USP32: variants seen among roughly 807,000 people sequenced by gnomAD.
The protein encoded by USP32 is ubiquitin carboxyl-terminal hydrolase 32.
USP32 carries 59 observed loss-of-function variants against 204.8 expected under a neutral mutation model. The ratio of observed to expected loss-of-function variants is 0.29; its 90% CI spans 0.23 to 0.36. The LOEUF (loss-of-function observed/expected upper bound fraction) is 0.36. USP32 is among the 10% of genes least tolerant of loss of function. The probability of loss-of-function intolerance (pLI) is 1.00; values close to 1 mark genes in which losing one functional copy is unlikely to be tolerated. For missense variants in USP32, 1,160 were observed against 1,946.4 expected (o/e 0.60, Z 7.60); for synonymous variants, 517 against 678.4 (o/e 0.76, Z 3.70).
chr17:60,281,805 T>C (rs1040445994), intron 5 of USP32, among the ~76,000 whole-genome samples: 7 of 152,210 alleles, frequency 4.6e-5, no homozygotes, highest in African/African-American at 4.8e-5. Context: ...TCATGGTCCA[T>C]CTACATCAAA....
chr17:60,274,414 A>G (rs536749500), intron 5 of USP32, among the ~76,000 whole-genome samples: 1 of 152,202 alleles, frequency 6.6e-6, no homozygotes, highest in African/African-American at 2.4e-5. Flanking sequence ...ATTCATGAAA[A>G]CTATATTCCC....
intron 1 of USP32, among the ~76,000 whole-genome samples, chr17:60,369,318 T>G (rs2089391536): frequency 6.6e-6 from 1 of 150,436 alleles, no homozygotes; most frequent in Non-Finnish European, 1.5e-5. Context: ...AAGCCAGGCA[T>G]GGTGACATCT....
intron 1 of USP32, among the ~76,000 whole-genome samples, chr17:60,415,426 T>C (rs1452526725): frequency 1.3e-5 from 2 of 152,238 alleles, no homozygotes; most frequent in Non-Finnish European, 2.9e-5. Context: ...AAGGCTTCCA[T>C]GGGTTAAAGA....
intron 2 of USP32, among the ~76,000 whole-genome samples, chr17:60,325,424 C>CA (rs576221207): frequency 3.0e-4 from 45 of 150,312 alleles, no homozygotes; most frequent in Middle Eastern, 3.4e-3. Context: ...TCTCAAAATA[C>CA]AAAAAAAAGA....
At chr17:60,232,984 C>T (rs1253068738) in intron 12 of USP32, among the ~76,000 whole-genome samples, 1 of 152,166 alleles carries the variant, frequency 6.6e-6, no homozygotes, top group African/African-American at 2.4e-5. Context: ...ATTCTCACAT[C>T]CCTACTTAAA....
At chr17:60,359,099 A>G (rs1461329739) in intron 1 of USP32, among the ~76,000 whole-genome samples, 3 of 152,178 alleles carry the variant, frequency 2.0e-5, no homozygotes, top group Admixed American at 6.5e-5. Context: ...GAACAATCCA[A>G]CATCCTTCAA....
rs543123855 is a variant in USP32 at position 60,224,235 on chromosome 17, T to C, written c.1433-649A>G. 4.5e-4 allele frequency among the ~76,000 whole-genome samples: 69 copies of C among 152,360 alleles called. 1 individual carries two copies. The highest frequency in any genetic ancestry group is 1.6e-3 in the African/African-American group (67 of 41,584). ...ATCTAGCAGTCATCACTTTGTAACC[T>C]TCTGCCTGTGGTATGCAGCCTTTGG... On this transcript the variant is annotated intron_variant, in intron 13 of 33. Transcript: ENST00000300896.
At chr17:60,311,842 A>G (rs1289375870) in intron 2 of USP32, among the ~76,000 whole-genome samples, 1 of 152,118 alleles carries the variant, frequency 6.6e-6, no homozygotes, top group Non-Finnish European at 1.5e-5. Context: ...AACAAAAAAA[A>G]ACGGTAGATA....
intron 27 of USP32, among the ~76,000 whole-genome samples, chr17:60,194,701 C>G (rs1450868225): frequency 6.6e-6 from 1 of 152,190 alleles, no homozygotes; most frequent in Non-Finnish European, 1.5e-5. Flanking sequence ...ATGTCATATT[C>G]TAGACCTTGT....
chr17:60,385,901 T>C (rs541013011), intron 1 of USP32, among the ~76,000 whole-genome samples: 1 of 151,866 alleles, frequency 6.6e-6, no homozygotes, highest in African/African-American at 2.4e-5. Flanking sequence ...TAATGAATAC[T>C]AAGTCCCTAA....
At chr17:60,407,247 T>C (rs1237049060) in intron 1 of USP32, among the ~76,000 whole-genome samples, 2 of 152,134 alleles carry the variant, frequency 1.3e-5, no homozygotes, top group African/African-American at 4.8e-5. Flanking sequence ...CTTCAGAAAT[T>C]TGCATAGGAT....
chr17:60,289,633 T>C (rs552058260), intron 4 of USP32, among the ~76,000 whole-genome samples: 8 of 152,142 alleles, frequency 5.3e-5, no homozygotes, highest in Non-Finnish European at 1.0e-4. Flanking sequence ...AAAAAGAGCA[T>C]CATATGGTTG....
intron 1 of USP32, among the ~76,000 whole-genome samples, chr17:60,411,504 G>A (rs1048990244): frequency 2.0e-5 from 3 of 148,822 alleles, no homozygotes; most frequent in African/African-American, 5.0e-5. Flanking sequence ...CAAAGTGAGA[G>A]TCTGTCACTA....
At chr17:60,330,861 T>C (rs1004402357) in intron 2 of USP32, among the ~76,000 whole-genome samples, 12 of 152,178 alleles carry the variant, frequency 7.9e-5, no homozygotes, top group Admixed American at 4.6e-4. Flanking sequence ...CTTTTCACTA[T>C]CCCAACTTTC....
intron 9 of USP32, among the ~76,000 whole-genome samples, chr17:60,263,614 T>C (rs1204541033): frequency 6.6e-6 from 1 of 152,224 alleles, no homozygotes; most frequent in Non-Finnish European, 1.5e-5. Flanking sequence ...AATACCTACA[T>C]ACTTATGAAA....
chr17:60,362,280 A>T (rs1286997140), intron 1 of USP32, among the ~76,000 whole-genome samples: 1 of 152,236 alleles, frequency 6.6e-6, no homozygotes, highest in Non-Finnish European at 1.5e-5. Flanking sequence ...AAAAATATAG[A>T]ATGAAATCTG....
chr17:60,388,750 T>C (rs964345077), intron 1 of USP32, among the ~76,000 whole-genome samples: 1 of 152,228 alleles, frequency 6.6e-6, no homozygotes, highest in Non-Finnish European at 1.5e-5. Flanking sequence ...AAATGTACAC[T>C]TTTAGAAAAC....
At position 60,192,844 on chromosome 17, in the gene USP32, C is replaced by T. The variant is rs749724604; in HGVS notation, c.3521G>A (p.Arg1174Lys). The change falls in exon 28 of 34, where the codon AGA becomes AAA. Residue 1174 changes from arginine (R) to lysine (K), a missense_variant and splice_region_variant. Coordinates refer to ENST00000300896, the MANE Select transcript of USP32 (RefSeq NM_032582.4). Reference protein sequence around the residue: ...GNSCAWCPWYRFCRGCKIDCG... With the variant: ...GNSCAWCPWYKFCRGCKIDCG... ...GTAATTCTTTTGCAGGTCACTTTAC[C>T]TATACCATGGGCACCAAGCACAGGA... 12 of 1,613,766 alleles carry T rather than the reference C, an allele frequency of 7.4e-6. No individual in the cohort carries two copies. Among genetic ancestry groups the T allele is most frequent in the Non-Finnish European group, 9.3e-6 (11 of 1,179,778 alleles).
chr17:60,194,858 T>C (rs182268181), intron 27 of USP32, among the ~76,000 whole-genome samples: 7 of 152,332 alleles, frequency 4.6e-5, no homozygotes, highest in Non-Finnish European at 8.8e-5. Flanking sequence ...ATCACTGCCC[T>C]GAAATCCTCA....
Sources: gnomAD v4.1 joint callset for allele counts (sites outside exome capture counted in the v4.1 genomes callset) on GRCh38, gnomAD v4.1.1 for gene constraint, MANE v1.5 for transcripts, NCBI Gene and HGNC (gene_info 2026-07-23, HGNC 2026-07-21) for gene names.